Variants in SLC8A1 observed in about 807,000 individuals in gnomAD.
The protein encoded by SLC8A1 is sodium/calcium exchanger 1.
A neutral mutation model predicts 68.3 loss-of-function variants in SLC8A1; 18 were observed. That is an observed-to-expected ratio of 0.26 (90% CI 0.18 to 0.39). The LOEUF is 0.39. SLC8A1 is among the 10% of genes least tolerant of loss of function. SLC8A1 has a pLI of 1.00. For synonymous variants in SLC8A1, 475 were observed against 415.5 expected (o/e 1.14, Z -1.74); for missense variants, 985 against 1,156.7 (o/e 0.85, Z 2.15).
intron 7 of SLC8A1, among the ~76,000 whole-genome samples, chr2:40,125,374 C>T (rs1416737564): frequency 6.6e-6 from 1 of 152,120 alleles, no homozygotes; most frequent in African/African-American, 2.4e-5. Flanking sequence ...GTGCCTAGGA[C>T]AGTCCACAAT....
chr2:40,226,410 G>A (rs2058986198), intron 2 of SLC8A1, among the ~76,000 whole-genome samples: 1 of 152,152 alleles, frequency 6.6e-6, no homozygotes, highest in Admixed American at 6.5e-5. Context: ...TATAATGAAG[G>A]CTTGGAAATG....
At chr2:40,341,731 A>G (rs1418630452) in intron 2 of SLC8A1, among the ~76,000 whole-genome samples, 1 of 152,132 alleles carries the variant, frequency 6.6e-6, no homozygotes, top group Non-Finnish European at 1.5e-5. Flanking sequence ...GCATGCTTTT[A>G]AACTCTGGGG....
At chr2:40,392,189 G>T (rs940584340) in intron 2 of SLC8A1, among the ~76,000 whole-genome samples, 2 of 142,336 alleles carry the variant, frequency 1.4e-5, no homozygotes, top group Admixed American at 1.4e-4. Context: ...AGAAAGAAAA[G>T]AAAAAAGAAA....
intron 2 of SLC8A1, among the ~76,000 whole-genome samples, chr2:40,255,591 C>G (rs1269127547): frequency 6.6e-6 from 1 of 152,128 alleles, no homozygotes; most frequent in African/African-American, 2.4e-5. Context: ...CTTCACCTCT[C>G]TGGAGTTTAT....
At chr2:40,167,174 A>G (rs2046689573) in intron 4 of SLC8A1, among the ~76,000 whole-genome samples, 1 of 152,210 alleles carries the variant, frequency 6.6e-6, no homozygotes, top group African/African-American at 2.4e-5. Context: ...TTCTTTTCCA[A>G]AAATCCTTCA....
intron 1 of SLC8A1, among the ~76,000 whole-genome samples, chr2:40,440,874 A>C (rs1166884068): frequency 2.0e-5 from 3 of 152,190 alleles, no homozygotes; most frequent in African/African-American, 7.2e-5. Flanking sequence ...GGCACAAGAC[A>C]AGGATGCCCT....
intron 2 of SLC8A1, among the ~76,000 whole-genome samples, chr2:40,283,028 G>A (rs2067750944): frequency 6.6e-6 from 1 of 152,048 alleles, no homozygotes; most frequent in Non-Finnish European, 1.5e-5. Flanking sequence ...TCTCAAAAAA[G>A]CATTTATTCT....
In SLC8A1 at chr2:40,429,601, GGA is replaced by G. The variant is rs749329262; in HGVS notation, c.678_679del (p.Pro227TrpfsTer27). ...ACCTTCCCAGACCTCCACAACACCA[GGA>G]GATATGACAGACAAAATAATGTAAA... On this transcript the variant is annotated frameshift_variant, in exon 2 of 8. Transcript: ENST00000406785. LOFTEE classifies it high-confidence loss of function. 1 of 1,613,744 alleles carries G rather than the reference GGA, an allele frequency of 6.2e-7. No individual in the cohort carries two copies.
chr2:40,283,402 G>T (rs1404673037), intron 2 of SLC8A1, among the ~76,000 whole-genome samples: 2 of 152,136 alleles, frequency 1.3e-5, no homozygotes, highest in African/African-American at 2.4e-5. Context: ...AGAGAATAAC[G>T]AACAGTTATT....
At chr2:40,342,117 C>G (rs1166428342) in intron 2 of SLC8A1, among the ~76,000 whole-genome samples, 1 of 151,988 alleles carries the variant, frequency 6.6e-6, no homozygotes, top group Non-Finnish European at 1.5e-5. Context: ...TTCTTGTTAA[C>G]CTAGTGAAAT....
intron 2 of SLC8A1, among the ~76,000 whole-genome samples, chr2:40,191,839 C>T (rs2051917838): frequency 6.6e-6 from 1 of 152,092 alleles, no homozygotes; most frequent in Non-Finnish European, 1.5e-5. Context: ...CCTATTTCAG[C>T]TTTTGACCCA....
intron 2 of SLC8A1, among the ~76,000 whole-genome samples, chr2:40,241,589 C>T (rs1380612337): frequency 6.6e-6 from 1 of 152,184 alleles, no homozygotes; most frequent in Non-Finnish European, 1.5e-5. Context: ...CTCTTCTTTG[C>T]CCTCCCCTAA....
intron 2 of SLC8A1, among the ~76,000 whole-genome samples, chr2:40,257,505 A>G (rs2064110228): frequency 6.6e-6 from 1 of 151,902 alleles, no homozygotes; most frequent in South Asian, 2.1e-4. Flanking sequence ...GAGGTCCCAG[A>G]GAAAGGAAAA....
At position 40,499,113 on chromosome 2, in the gene SLC8A1, G is replaced by C. The variant is rs1372884672; in HGVS notation, c.-25+13236C>G. On this transcript the variant is annotated intron_variant, in intron 1 of 7. Transcript: ENST00000402441. ...TGTTGATCTGTGGAGACTTCAAAGA[G>C]TGTCACATGGAAGAAGAATCATGTT... Among the ~76,000 whole-genome samples the C allele has an allele frequency of 2.0e-5, 3 of 151,972 alleles. No homozygotes were observed. The East Asian group carries it at 5.8e-4, about 29-fold the overall frequency.
exon 8 of SLC8A1, chr2:40,114,586 TA>T (rs927404217): frequency 2.6e-5 from 4 of 152,786 alleles, no homozygotes; most frequent in Non-Finnish European, 5.9e-5. Context: ...ATCACATGTT[TA>T]AATATCAGAC....
intron 2 of SLC8A1, among the ~76,000 whole-genome samples, chr2:40,359,536 G>A (rs1673885971): frequency 6.6e-6 from 1 of 152,130 alleles, no homozygotes; most frequent in South Asian, 2.1e-4. Flanking sequence ...AAGGCACCTG[G>A]AGGCAATGGA....
chr2:40,371,088 T>G (rs1398717121), intron 2 of SLC8A1, among the ~76,000 whole-genome samples: 1 of 152,074 alleles, frequency 6.6e-6, no homozygotes. Flanking sequence ...AGGGATCTTT[T>G]CTAGCAAAAT....
intron 6 of SLC8A1, among the ~76,000 whole-genome samples, chr2:40,160,381 C>G (rs1364968928): frequency 6.6e-6 from 1 of 152,140 alleles, no homozygotes; most frequent in Non-Finnish European, 1.5e-5. Context: ...GTCTTAGTGT[C>G]TTCCCTTTCC....
chr2:40,430,329 G>A (rs1697996105), intron 1 of SLC8A1, 25 bp from the exon 2 acceptor site: 3 of 1,539,040 alleles, frequency 1.9e-6, no homozygotes, highest in Non-Finnish European at 2.6e-6. Flanking sequence ...ATGGGGGAGA[G>A]GGCAGAAAAA....
Sources: gnomAD v4.1 joint callset for allele counts (sites outside exome capture counted in the v4.1 genomes callset) on GRCh38, gnomAD v4.1.1 for gene constraint, MANE v1.5 for transcripts, NCBI Gene and HGNC (gene_info 2026-07-23, HGNC 2026-07-21) for gene names.